MAOA: variants seen among roughly 807,000 people sequenced by gnomAD.
The protein encoded by MAOA is amine oxidase [flavin-containing] A.
In MAOA, 6 loss-of-function variants were observed where a neutral mutation model predicts 42.0. That is an observed-to-expected ratio of 0.14 (90% CI 0.08 to 0.28). The LOEUF (loss-of-function observed/expected upper bound fraction) is 0.28. Among genes scored for constraint, MAOA ranks in the 10% least tolerant of loss-of-function variants. The pLI is 1.00. For missense variants in MAOA, 262 were observed against 422.3 expected (o/e 0.62, Z 3.33); for synonymous variants, 140 against 154.0 (o/e 0.91, Z 0.67).
chrX:43,698,796 G>T (rs1332558748), intron 3 of MAOA, among the ~76,000 whole-genome samples: 2 of 112,187 alleles, frequency 1.8e-5, no homozygotes, highest in Non-Finnish European at 3.8e-5. Context: ...ACAGTGAGCA[G>T]CTTTTATGAA....
At chrX:43,713,155 A>T (rs756875728) in intron 5 of MAOA, among the ~76,000 whole-genome samples, 9 of 112,516 alleles carry the variant, frequency 8.0e-5, no homozygotes, top group Non-Finnish European at 1.7e-4. Context: ...ATGCAGCCAT[A>T]AAAAAGAATG....
chrX:43,735,965 A>G (rs2033917352), intron 9 of MAOA, among the ~76,000 whole-genome samples: 1 of 112,919 alleles, frequency 8.9e-6, no homozygotes, highest in East Asian at 2.8e-4. Flanking sequence ...ATTTCCTACT[A>G]TATGCCAAAA....
intron 1 of MAOA, among the ~76,000 whole-genome samples, chrX:43,662,241 G>A (rs2033239601): frequency 9.0e-6 from 1 of 110,960 alleles, no homozygotes. Flanking sequence ...TTGCTGTTTA[G>A]GACACTTCTC....
chrX:43,710,915 G>C (rs1192511984), intron 3 of MAOA, among the ~76,000 whole-genome samples: 2 of 112,396 alleles, frequency 1.8e-5, no homozygotes, highest in Non-Finnish European at 3.8e-5. Context: ...CCACACTTGA[G>C]GATGAGCAAA....
Position 43,676,133 on chromosome X carries a change from C to G in MAOA, c.74-7380C>G, listed in dbSNP as rs749908912. On this transcript the variant is annotated intron_variant, in intron 1 of 14. Transcript: ENST00000338702. ...TTCCCGGCTGCTTTGTTTACCTAAG[C>G]AAGCCTGGGCAATGGCGGGTGCCCC... 8.0e-5 allele frequency among the ~76,000 whole-genome samples: 9 copies of G among 112,361 alleles called. No homozygotes were observed. In the South Asian group the frequency reaches 3.3e-3, roughly 41 times the overall value.
At chrX:43,709,393 C>A (rs1184746734) in intron 3 of MAOA, among the ~76,000 whole-genome samples, 1 of 110,890 alleles carries the variant, frequency 9.0e-6, no homozygotes, top group Admixed American at 9.7e-5. Context: ...TTTATGTTCC[C>A]AGACTATTGA....
chrX:43,700,603 C>T lies in MAOA; in HGVS notation c.306+7175C>T, dbSNP rs139522239. Among the ~76,000 whole-genome samples, 319 of 111,745 alleles carry T rather than the reference C, an allele frequency of 2.9e-3. 1 individual carries two copies. Among genetic ancestry groups the T allele is most frequent in the African/African-American group, 9.7e-3 (298 of 30,715 alleles). On this transcript the variant is annotated intron_variant, in intron 3 of 14. Transcript: ENST00000338702. Reference sequence around the variant, plus strand: ...AGTGAGCACCTGGCAGCTAAACAGCCCCCAGTGTGTCCCAGTTAGGCTCAG... The same window carrying T: ...AGTGAGCACCTGGCAGCTAAACAGCTCCCAGTGTGTCCCAGTTAGGCTCAG...
At chrX:43,663,749 A>G (rs1417404294) in intron 1 of MAOA, among the ~76,000 whole-genome samples, 1 of 112,369 alleles carries the variant, frequency 8.9e-6, no homozygotes, top group Admixed American at 9.5e-5. Flanking sequence ...AAGGAATGTT[A>G]TTGCTTTCTG....
chrX:43,670,510 A>G (rs992895457), intron 1 of MAOA, among the ~76,000 whole-genome samples: 1 of 106,757 alleles, frequency 9.4e-6, no homozygotes, highest in African/African-American at 3.4e-5. Flanking sequence ...GGTTAGTTAC[A>G]TATGTATACA....
At chrX:43,665,328 C>G (rs755385137) in intron 1 of MAOA, among the ~76,000 whole-genome samples, 12 of 111,455 alleles carry the variant, frequency 1.1e-4, no homozygotes, top group Admixed American at 6.7e-4. Context: ...GTGCACCAGG[C>G]ATTTCCCAGA....
At chrX:43,688,091 G>A (rs986816146) in intron 2 of MAOA, among the ~76,000 whole-genome samples, 2 of 112,357 alleles carry the variant, frequency 1.8e-5, no homozygotes, top group Non-Finnish European at 3.8e-5. Context: ...CCTTCTCACT[G>A]ACAGCCAAGG....
chrX:43,688,583 CA>C (rs1363910168), intron 2 of MAOA, among the ~76,000 whole-genome samples: 1 of 112,235 alleles, frequency 8.9e-6, no homozygotes, highest in Non-Finnish European at 1.9e-5. Flanking sequence ...TTCATGGTAA[CA>C]ATCCTTGAGG....
At chrX:43,679,880 A>G (rs1190728933) in intron 1 of MAOA, among the ~76,000 whole-genome samples, 1 of 112,343 alleles carries the variant, frequency 8.9e-6, no homozygotes, top group African/African-American at 3.2e-5. Flanking sequence ...ATAATCAGAC[A>G]TAAGGAGAAA....
intron 1 of MAOA, chrX:43,657,744 G>A (rs1271922701): frequency 1.4e-5 from 2 of 148,130 alleles, no homozygotes; most frequent in African/African-American, 6.4e-5. Flanking sequence ...AGTAAGTAGA[G>A]TGGCCCCACA....
chrX:43,739,827 G>A (rs1281172155), intron 10 of MAOA, among the ~76,000 whole-genome samples: 1 of 112,446 alleles, frequency 8.9e-6, no homozygotes, highest in Non-Finnish European at 1.9e-5. Flanking sequence ...CTGGATCAGT[G>A]TGAACCTATG....
chrX:43,661,534 A>T (rs17146660), intron 1 of MAOA, among the ~76,000 whole-genome samples: 9,165 of 110,687 alleles, frequency 0.083, 981 homozygotes, highest in African/African-American at 0.29. Flanking sequence ...TATAAGCCAG[A>T]TATGAGCAGT....
intron 2 of MAOA, among the ~76,000 whole-genome samples, chrX:43,683,922 G>A (rs942477411): frequency 3.8e-5 from 4 of 105,182 alleles, no homozygotes; most frequent in African/African-American, 1.0e-4. Context: ...TAGTTTGGCT[G>A]TACTGGAAGT....
chrX:43,740,509 G>A (rs186647278), intron 10 of MAOA, among the ~76,000 whole-genome samples, 172 bp from the exon 11 acceptor site: 67 of 111,845 alleles, frequency 6.0e-4, no homozygotes, highest in East Asian at 2.0e-3. Context: ...ATTTGAGTGC[G>A]GGGATTCATG....
At position 43,731,834 on chromosome X, in the gene MAOA, G is replaced by A; in HGVS notation, c.936G>A (p.Glu312=). The part of the protein sequence containing the change: ...AVIKCMMYYK[E]AFWKKKDYCG... Reference sequence around the variant, plus strand: ...TTAAGTGCATGATGTATTACAAGGAGGCCTTCTGGAAGAAGAAGGGTAGGC... The same window carrying A: ...TTAAGTGCATGATGTATTACAAGGAAGCCTTCTGGAAGAAGAAGGGTAGGC... Residue 312 remains glutamate, a synonymous_variant, in exon 8 of 15, where the codon GAG becomes GAA. Transcript: ENST00000338702. The A allele has an allele frequency of 8.3e-7, 1 of 1,209,254 alleles. No individual in the cohort carries two copies.
Sources: gnomAD v4.1 joint callset for allele counts (sites outside exome capture counted in the v4.1 genomes callset) on GRCh38, gnomAD v4.1.1 for gene constraint, MANE v1.5 for transcripts, NCBI Gene and HGNC (gene_info 2026-07-23, HGNC 2026-07-21) for gene names.